SMOC2: variants seen among roughly 807,000 people sequenced by gnomAD.
The protein encoded by SMOC2 is SPARC related modular calcium binding 2.
SMOC2 carries 39 observed loss-of-function variants against 61.4 expected under a neutral mutation model. The ratio of observed to expected loss-of-function variants is 0.64; its 90% CI spans 0.49 to 0.83. The LOEUF is 0.83. SMOC2 is among the 40% of genes least tolerant of loss of function. The probability of loss-of-function intolerance (pLI) is 0.00; values close to 1 mark genes in which losing one functional copy is unlikely to be tolerated. For missense variants in SMOC2, 556 were observed against 592.9 expected, an observed-to-expected ratio of 0.94 and a Z score of 0.65; for synonymous variants, 247 against 239.9, an observed-to-expected ratio of 1.03 and a Z score of -0.27.
At chr6:168,533,087 G>T (rs555687840) in intron 4 of SMOC2, among the ~76,000 whole-genome samples, 82 of 152,142 alleles carry the variant, frequency 5.4e-4, no homozygotes, top group Non-Finnish European at 7.2e-4. Context: ...TCTAGGAATT[G>T]CCTCTCTGCG....
intron 2 of SMOC2, among the ~76,000 whole-genome samples, chr6:168,513,327 A>G (rs1250445838): frequency 9.0e-6 from 1 of 110,818 alleles, no homozygotes. Flanking sequence ...CTATATCAGT[A>G]TTTTGTCCTT....
At chr6:168,590,784 G>A (rs1459169947) in intron 7 of SMOC2, among the ~76,000 whole-genome samples, 1 of 151,956 alleles carries the variant, frequency 6.6e-6, no homozygotes, top group African/African-American at 2.4e-5. Context: ...TAAATGTCTG[G>A]CAGCTGCTTA....
intron 8 of SMOC2, among the ~76,000 whole-genome samples, chr6:168,607,091 C>G (rs2115200849): frequency 6.6e-6 from 1 of 152,186 alleles, no homozygotes; most frequent in Non-Finnish European, 1.5e-5. Flanking sequence ...CGGGAACGCA[C>G]CTCCCCGGCG....
intron 1 of SMOC2, 59 bp from the exon 2 acceptor site, chr6:168,509,856 T>G (rs916267234): frequency 2.6e-6 from 4 of 1,522,048 alleles, no homozygotes; most frequent in South Asian, 2.6e-5. Context: ...CCTTCTGTTT[T>G]CTGCTGCTCT....
intron 9 of SMOC2, among the ~76,000 whole-genome samples, chr6:168,639,929 C>T (rs1183976776): frequency 1.3e-5 from 2 of 152,232 alleles, no homozygotes; most frequent in Non-Finnish European, 2.9e-5. Context: ...GCCCTCGGTT[C>T]ATGTGCAGAT....
At chr6:168,562,878 G>C (rs569798423) in intron 7 of SMOC2, among the ~76,000 whole-genome samples, 6 of 152,318 alleles carry the variant, frequency 3.9e-5, no homozygotes, top group South Asian at 2.1e-4. Flanking sequence ...GTTTCAGGAG[G>C]GGGTAGATCA....
chr6:168,643,120 C>T (rs1431708778), intron 9 of SMOC2, among the ~76,000 whole-genome samples: 1 of 152,170 alleles, frequency 6.6e-6, no homozygotes, highest in East Asian at 1.9e-4. Context: ...ATTTCACAGG[C>T]TCTCCAGGGT....
At chr6:168,607,806 G>A (rs1457377393) in intron 8 of SMOC2, among the ~76,000 whole-genome samples, 1 of 151,346 alleles carries the variant, frequency 6.6e-6, no homozygotes, top group South Asian at 2.1e-4. Flanking sequence ...AACGGGAGGA[G>A]GGGGAGGTGT....
At chr6:168,607,965 A>G (rs1236626344) in intron 8 of SMOC2, among the ~76,000 whole-genome samples, 192 bp from the exon 9 acceptor site, 1 of 152,196 alleles carries the variant, frequency 6.6e-6, no homozygotes, top group East Asian at 1.9e-4. Context: ...ACTGACTGCA[A>G]GCAATAGCTT....
chr6:168,546,475 GT>G (rs1019284749), intron 5 of SMOC2, among the ~76,000 whole-genome samples: 3 of 152,168 alleles, frequency 2.0e-5, no homozygotes, highest in Non-Finnish European at 2.9e-5. Context: ...GAAAATGCGA[GT>G]CTATGGGTGG....
intron 1 of SMOC2, among the ~76,000 whole-genome samples, chr6:168,502,434 G>A (rs1008716379): frequency 7.2e-5 from 11 of 152,236 alleles, no homozygotes; most frequent in African/African-American, 2.7e-4. Context: ...TCCATGCCCT[G>A]CATCTGCCCA....
Position 168,655,704 on chromosome 6 carries a change from C to T in SMOC2, c.1285+2476C>T, listed in dbSNP as rs560038341. 7.3e-5 allele frequency among the ~76,000 whole-genome samples: 11 copies of T among 151,708 alleles called. No individual in the cohort carries two copies. In the South Asian group the frequency reaches 1.5e-3, roughly 20 times the overall value. ...TCACACATGTGTGCTAGATCCCTTG[C>T]ACATGTATCCTGGATCCCCTCACAC... On this transcript the variant is annotated intron_variant, in intron 11 of 12. Transcript: ENST00000356284.
At chr6:168,657,299 A>G (rs1787348627) in intron 11 of SMOC2, among the ~76,000 whole-genome samples, 1 of 152,260 alleles carries the variant, frequency 6.6e-6, no homozygotes, top group South Asian at 2.1e-4. Flanking sequence ...CACTGCAGTC[A>G]TCAGCACTTT....
At chr6:168,642,560 C>T (rs966858258) in intron 9 of SMOC2, among the ~76,000 whole-genome samples, 1 of 152,200 alleles carries the variant, frequency 6.6e-6, no homozygotes, top group African/African-American at 2.4e-5. Flanking sequence ...GCGTACCTGT[C>T]GTGAGGAAAC....
intron 8 of SMOC2, among the ~76,000 whole-genome samples, chr6:168,600,860 G>C (rs1583149510): frequency 6.6e-6 from 1 of 152,216 alleles, no homozygotes; most frequent in Non-Finnish European, 1.5e-5. Context: ...CTGGAGTTTT[G>C]TGTGAGTTGG....
At chr6:168,656,073 G>T (rs1787315243) in intron 11 of SMOC2, among the ~76,000 whole-genome samples, 1 of 152,230 alleles carries the variant, frequency 6.6e-6, no homozygotes. Context: ...CCTGATTTGT[G>T]TAATACTTGC....
intron 4 of SMOC2, among the ~76,000 whole-genome samples, chr6:168,530,337 C>T (rs980548453): frequency 2.0e-5 from 3 of 152,106 alleles, no homozygotes; most frequent in Non-Finnish European, 2.9e-5. Flanking sequence ...AAATGGATTC[C>T]TTTATTTCAT....
intron 9 of SMOC2, among the ~76,000 whole-genome samples, chr6:168,629,338 G>A (rs941986203): frequency 4.6e-5 from 7 of 152,324 alleles, no homozygotes; most frequent in South Asian, 2.1e-4. Flanking sequence ...AAGATAGGGC[G>A]GTCCCCCAGA....
intron 1 of SMOC2, among the ~76,000 whole-genome samples, chr6:168,489,210 A>G: frequency 6.7e-6 from 1 of 149,214 alleles, no homozygotes; most frequent in Non-Finnish European, 1.5e-5. Context: ...AATGAAATAT[A>G]TCAAATCGTC....
Sources: allele counts gnomAD v4.1 joint callset (sites outside exome capture counted in the v4.1 genomes callset), GRCh38; gene constraint gnomAD v4.1.1; transcripts MANE v1.5; gene names NCBI Gene and HGNC (gene_info 2026-07-23, HGNC 2026-07-21).